The following SRRT variants were observed in gnomAD, a reference collection of about 807,000 sequenced individuals.
The protein encoded by SRRT is serrate, RNA effector molecule, also known as serrate RNA effector molecule homolog.
In SRRT, 32 loss-of-function variants were observed where a neutral mutation model predicts 103.2. That is an observed-to-expected ratio of 0.31 (90% CI 0.23 to 0.42). SRRT has a LOEUF of 0.42. Among genes scored for constraint, SRRT ranks in the 10% least tolerant of loss-of-function variants. The probability of loss-of-function intolerance (pLI) is 1.00; values close to 1 mark genes in which losing one functional copy is unlikely to be tolerated. For synonymous variants in SRRT, 525 were observed against 449.0 expected (o/e 1.17, Z -2.14); for missense variants, 986 against 1,207.5 (o/e 0.82, Z 2.72).
Position 100,885,353 on chromosome 7 carries a change from C to T in SRRT, c.1300C>T (p.Arg434Trp), listed in dbSNP as rs1371938437. 5 of 1,613,590 alleles carry T rather than the reference C, an allele frequency of 3.1e-6. No individual in the cohort carries two copies. Among genetic ancestry groups the T allele is most frequent in the Admixed American group, 3.3e-5 (2 of 59,962 alleles). The change falls in exon 10 of 20, where the codon CGG becomes TGG. Residue 434 changes from arginine to tryptophan, a missense_variant. Transcript: ENST00000611405. The surrounding 1 kb of genome is among the most constrained non-coding windows in gnomAD (Gnocchi z 4.8). The part of the protein sequence containing the change: ...FMRNIAPNIS[R>W]AEIISLCKRY... ...GCGCAACATCGCGCCCAACATCTCC[C>T]GGGCCGAGATCATCTCCGTGAGTGG...
intron 13 of SRRT, 46 bp downstream of exon 13, chr7:100,886,481 C>G: frequency 1.2e-5 from 18 of 1,551,186 alleles, no homozygotes; most frequent in Non-Finnish European, 1.5e-5. Flanking sequence ...CTGGTAGTGC[C>G]TCTGCTGTGG....
At position 100,875,561 on chromosome 7, in the gene SRRT, C is replaced by G. The variant is rs1376124952; in HGVS notation, c.-18-12C>G. ...TTTTGCACCACTCCTACCGCCTCTC[C>G]CCGGTCCCCAGGCCCCCTCAGACCG... On this transcript the variant is annotated splice_polypyrimidine_tract_variant and intron_variant, in intron 1 of 19. Coordinates refer to ENST00000611405, the MANE Select transcript of SRRT (RefSeq NM_015908.6). 1 of 1,613,194 alleles carries G rather than the reference C, an allele frequency of 6.2e-7. No individual in the cohort carries two copies. Among genetic ancestry groups the G allele is most frequent in the Admixed American group, 1.7e-5 (1 of 59,994 alleles).
chr7:100,881,533 T>G, intron 3 of SRRT, 120 bp downstream of exon 3: 2 of 1,565,312 alleles, frequency 1.3e-6, no homozygotes, highest in Admixed American at 3.8e-5. Flanking sequence ...CCATCACCCA[T>G]CGTTACTTTG....
In SRRT at chr7:100,887,966, G is replaced by T. The variant is rs1257934882; in HGVS notation, c.2327-76G>T. The T allele has an allele frequency of 5.9e-6, 9 of 1,532,148 alleles. No individual in the cohort carries two copies. The highest frequency in any genetic ancestry group is 7.0e-6 in the Non-Finnish European group (8 of 1,139,006). The allele number at this position is 1,532,148 out of a possible 1,614,324, so 94.9% of individuals were successfully genotyped here. On this transcript the variant is annotated intron_variant, in intron 17 of 19. Transcript: ENST00000611405. This position sits in a 1 kb window ranked among gnomAD's most constrained non-coding sequence, Gnocchi z 4.1. ...CGAGAAGTTTCTGCCCCATCCTCAGGCCATAGCCCTAGAAGTCAATTGTAC... is the reference window on the plus strand; with the variant it reads ...CGAGAAGTTTCTGCCCCATCCTCAGTCCATAGCCCTAGAAGTCAATTGTAC...
chr7:100,881,354 G>C lies in SRRT; in HGVS notation c.192G>C (p.Glu64Asp). 6.2e-7 allele frequency: 1 copy of C among 1,613,578 alleles called. No homozygotes were observed. Among genetic ancestry groups the C allele is most frequent in the South Asian group, 1.1e-5 (1 of 91,080 alleles). ...GGGACTATGACCGGAATCGGCGAGA[G>C]CGCTTCTCGCCACCTCGCCACGAAC... ...EYRDYDRNRR[E>D]RFSPPRHELS... The change falls in exon 3 of 20, where the codon GAG becomes GAC. Residue 64 changes from glutamate (E) to aspartate (D), a missense_variant. Transcript: ENST00000611405.
At chr7:100,881,229 C>T (rs1816285549) in intron 2 of SRRT, 56 bp from the exon 3 acceptor site, 4 of 1,568,292 alleles carry the variant, frequency 2.6e-6, no homozygotes, top group East Asian at 2.3e-5. Flanking sequence ...GCTTGGATTA[C>T]AGGCATGAGC....
rs1404026276 is a variant in SRRT, at chr7:100,886,336, T to G, written c.1548T>G (p.Ile516Met). ...NINGITQHKQIVRNDIKLAAK... is the reference protein window; with the variant it reads ...NINGITQHKQMVRNDIKLAAK... ...ACGGCATCACCCAGCACAAGCAGAT[T>G]GTGCGCAACGACATCAAGCTGGCGG... is the stretch of plus-strand genomic sequence containing the variant. The change falls in exon 13 of 20, where the codon ATT (isoleucine) becomes ATG (methionine). Residue 516 changes from isoleucine to methionine, a missense_variant. By Grantham distance (10) the Ile-to-Met change is conservative. Transcript: ENST00000611405. The G allele has an allele frequency of 6.2e-7, 1 of 1,613,758 alleles. No individual in the cohort carries two copies. Among genetic ancestry groups the G allele is most frequent in the Non-Finnish European group, 8.5e-7 (1 of 1,179,998 alleles).
chr7:100,885,485 C>G lies in SRRT; in HGVS notation c.1317+115C>G. The G allele has an allele frequency of 7.9e-7, 1 of 1,259,340 alleles. No individual in the cohort carries two copies. Among genetic ancestry groups the G allele is most frequent in the Non-Finnish European group, 1.1e-6 (1 of 912,876 alleles). The allele number at this position is 1,259,340 out of a possible 1,614,324, so 78.0% of individuals were successfully genotyped here. A position where few individuals can be genotyped will look rare whatever the true frequency, so the allele number is the denominator to read the frequency against. On this transcript the variant is annotated intron_variant, in intron 10 of 19. Transcript: ENST00000611405. This position sits in a 1 kb window ranked among gnomAD's most constrained non-coding sequence, Gnocchi z 4.8. ...CCCGTTTCACCTGCTAGGGAGGCCC[C>G]TTCCCCAGGTTCCATGGCCTCCGAG...
Position 100,888,654 on chromosome 7 carries a change from C to T in SRRT, c.*105C>T. The T allele has an allele frequency of 1.3e-6, 2 of 1,495,396 alleles. No individual in the cohort carries two copies. Among genetic ancestry groups the T allele is most frequent in the Non-Finnish European group, 1.9e-6 (2 of 1,074,570 alleles). 92.6% of individuals were successfully genotyped at this position (1,495,396 alleles called of 1,614,324 possible). Reference sequence around the variant, plus strand: ...ATCAGCCTTACTGCTAATAAAAGCACTTCCACAGGGCTCCTGACTCTCGTG... The same window carrying T: ...ATCAGCCTTACTGCTAATAAAAGCATTTCCACAGGGCTCCTGACTCTCGTG... On this transcript the variant is annotated 3_prime_UTR_variant, in exon 20 of 20. Coordinates refer to ENST00000611405, the MANE Select transcript of SRRT (RefSeq NM_015908.6).
chr7:100,887,867 A>G lies in SRRT; in HGVS notation c.2326+8A>G, dbSNP rs1165421183. 1 of 1,596,572 alleles carries G rather than the reference A, an allele frequency of 6.3e-7. No homozygotes were observed. The highest frequency in any genetic ancestry group is 1.3e-5 in the African/African-American group (1 of 74,490). On this transcript the variant is annotated splice_region_variant and intron_variant, in intron 17 of 19. Transcript: ENST00000611405. This position sits in a 1 kb window ranked among gnomAD's most constrained non-coding sequence, Gnocchi z 4.1. ...CACCTGGCCCCGCCCAGAGTAAGAT[A>G]CGATCCATGAAGGTCGCATGTGCCC... is the stretch of plus-strand genomic sequence containing the variant.
chr7:100,881,151 G>C (rs574761947), intron 2 of SRRT, 134 bp from the exon 3 acceptor site: 2 of 830,776 alleles, frequency 2.4e-6, no homozygotes, highest in Non-Finnish European at 3.7e-6. Flanking sequence ...GCGGGGGGGG[G>C]TCTCACTATT....
chr7:100,881,862 C>G, intron 4 of SRRT, 57 bp downstream of exon 4: 1 of 1,541,580 alleles, frequency 6.5e-7, no homozygotes, highest in Non-Finnish European at 8.7e-7. Flanking sequence ...GATGGGGTTG[C>G]TGAAGGCCAT....
In SRRT at chr7:100,887,381, A is replaced by C. The variant is rs753836738; in HGVS notation, c.2037A>C (p.Ser679=). Residue 679 remains serine, a synonymous_variant, in exon 16 of 20, where the codon TCA becomes TCC. Coordinates refer to ENST00000611405, the MANE Select transcript of SRRT (RefSeq NM_015908.6). This position sits in a 1 kb window ranked among gnomAD's most constrained non-coding sequence, Gnocchi z 4.1. ...KLTPLLSVRE[S]LSEEEAQKMG... Reference sequence around the variant, plus strand: ...CGCCGTTGCTGAGTGTGCGGGAGTCACTCTCAGAGGAAGAGGCCCAGAAGA... The same window carrying C: ...CGCCGTTGCTGAGTGTGCGGGAGTCCCTCTCAGAGGAAGAGGCCCAGAAGA... The C allele has an allele frequency of 1.6e-5, 26 of 1,613,966 alleles. 1 individual carries two copies. In the East Asian group the frequency reaches 4.7e-4, roughly 29 times the overall value.
At chr7:100,880,628 T>G in intron 2 of SRRT, 2 of 363,508 alleles carry the variant, frequency 5.5e-6, no homozygotes, top group Admixed American at 6.0e-5. Context: ...TCTGACAGGC[T>G]GAATTTGAGG....
rs1352647598 is a variant in SRRT at position 100,875,587 on chromosome 7, T to A, written c.-4T>A. 1 of 1,613,844 alleles carries A rather than the reference T, an allele frequency of 6.2e-7. No homozygotes were observed. The highest frequency in any genetic ancestry group is 8.5e-7 in the Non-Finnish European group (1 of 1,179,816). ...CCGGTCCCCAGGCCCCCTCAGACCG[T>A]GCCATGGGTGACAGTGATGACGAGT... is the stretch of plus-strand genomic sequence containing the variant. On this transcript the variant is annotated 5_prime_UTR_variant, in exon 2 of 20. Coordinates refer to ENST00000611405, the MANE Select transcript of SRRT (RefSeq NM_015908.6).
intron 2 of SRRT, among the ~76,000 whole-genome samples, chr7:100,876,379 C>G (rs1482841143): frequency 6.6e-6 from 1 of 152,072 alleles, no homozygotes; most frequent in Non-Finnish European, 1.5e-5. Context: ...TTGGAACTCT[C>G]GACTTTAGGT....
chr7:100,881,142 C>CGGG, intron 2 of SRRT, 143 bp from the exon 3 acceptor site: 1 of 578,358 alleles, frequency 1.7e-6, no homozygotes, highest in Non-Finnish European at 2.6e-6. Context: ...TGGCGGGGGG[C>CGGG]GGGGGGGGGT....
At position 100,888,293 on chromosome 7, in the gene SRRT, C is replaced by T. The variant is rs200680733; in HGVS notation, c.2465C>T (p.Pro822Leu). ...CGCCCTGCAGTCCCCACAGGAGGCC[C>T]TCCATACCCCCATGCCCCGTATGGT... ...AVRPAVPTGGPPYPHAPYGAG... is the reference protein window; with the variant it reads ...AVRPAVPTGGLPYPHAPYGAG... The change falls in exon 19 of 20, where the codon CCT (proline) becomes CTT (leucine). Residue 822 changes from proline to leucine, a missense_variant. Pro to Leu is a moderately conservative substitution (Grantham distance 98). Around this residue, in one of 6 missense-constraint regions of SRRT, gnomAD observed 178 missense variants for 189.6 expected, o/e 0.94. Coordinates refer to ENST00000611405, the MANE Select transcript of SRRT (RefSeq NM_015908.6). 15 of 1,613,446 alleles carry T rather than the reference C, an allele frequency of 9.3e-6. No individual in the cohort carries two copies. Among genetic ancestry groups the T allele is most frequent in the Non-Finnish European group, 5.9e-6 (7 of 1,179,560 alleles).
intron 1 of SRRT, 111 bp downstream of exon 1, chr7:100,875,439 C>G (rs182260993): frequency 4.7e-6 from 7 of 1,481,018 alleles, no homozygotes; most frequent in Middle Eastern, 2.1e-4. Context: ...GAGCCGCGTT[C>G]TCAGGCCTAG....
Sources: gnomAD v4.1 joint callset for allele counts (sites outside exome capture counted in the v4.1 genomes callset) on GRCh38, gnomAD v4.1.1 for gene constraint, gnomAD v4.1.1 regional missense constraint, Gnocchi (gnomAD v3.1) non-coding constraint, MANE v1.5 for transcripts, NCBI Gene and HGNC (gene_info 2026-07-23, HGNC 2026-07-21) for gene names.